GLI3: variants seen among roughly 807,000 people sequenced by gnomAD.
GLI3 encodes transcription activator GLI3.
A neutral mutation model predicts 100.8 loss-of-function variants in GLI3; 20 were observed. The observed-to-expected ratio is 0.20, with a 90% CI of 0.14 to 0.29. The LOEUF is 0.29. Among genes scored for constraint, GLI3 ranks in the 10% least tolerant of loss-of-function variants. The probability of loss-of-function intolerance (pLI) is 1.00; values close to 1 mark genes in which losing one functional copy is unlikely to be tolerated. For synonymous variants in GLI3, 938 were observed against 860.5 expected (o/e 1.09, Z -1.58); for missense variants, 2,040 against 2,128.5 (o/e 0.96, Z 0.82).
At chr7:42,034,119 A>G in intron 7 of GLI3, among the ~76,000 whole-genome samples, 1 of 152,244 alleles carries the variant, frequency 6.6e-6, no homozygotes, top group East Asian at 1.9e-4. Flanking sequence ...CAGGTATGTT[A>G]GATGTGGTTA....
chr7:42,003,341 A>T (rs568096559), intron 10 of GLI3, among the ~76,000 whole-genome samples: 1 of 152,330 alleles, frequency 6.6e-6, no homozygotes, highest in South Asian at 2.1e-4. Flanking sequence ...AACTCAGCCC[A>T]AGAAAATGAT....
rs758458885 is a variant in GLI3 at position 41,966,587 on chromosome 7, C to A, written c.2486G>T (p.Gly829Val). The change falls in exon 15 of 15, where the codon GGC becomes GTC. Residue 829 changes from glycine (G) to valine (V), a missense_variant. Gly to Val is a moderately radical substitution (Grantham distance 109). Around this residue, in one of 5 missense-constraint regions of GLI3, gnomAD observed 327 missense variants for 338.7 expected, o/e 0.97. Transcript: ENST00000395925. This position sits in a 1 kb window ranked among gnomAD's most constrained non-coding sequence, Gnocchi z 5.8. ...SLGGPMTLLPGRSDLSGVDVT... is the reference protein window; with the variant it reads ...SLGGPMTLLPVRSDLSGVDVT... ...GTCCACCCCAGAGAGGTCGCTTCTG[C>A]CCGGGAGAAGCGTCATGGGCCCACC... is the stretch of plus-strand genomic sequence containing the variant. 90 of 1,613,966 alleles carry A rather than the reference C, an allele frequency of 5.6e-5. No individual in the cohort carries two copies. Among genetic ancestry groups the A allele is most frequent in the Non-Finnish European group, 6.5e-5 (77 of 1,180,006 alleles).
At chr7:42,119,314 A>G (rs1189383914) in intron 3 of GLI3, among the ~76,000 whole-genome samples, 1 of 152,190 alleles carries the variant, frequency 6.6e-6, no homozygotes, top group Non-Finnish European at 1.5e-5. Context: ...CACGTGGGGA[A>G]TCTCAGAGTT....
chr7:42,071,323 C>T (rs7807699), intron 4 of GLI3, among the ~76,000 whole-genome samples: 15,686 of 152,024 alleles, frequency 0.1, 1,826 homozygotes, highest in African/African-American at 0.29. Flanking sequence ...TGGTAAAGCA[C>T]AAACACTGGG....
At chr7:42,138,203 C>T (rs1786476271) in intron 3 of GLI3, among the ~76,000 whole-genome samples, 1 of 152,162 alleles carries the variant, frequency 6.6e-6, no homozygotes, top group Non-Finnish European at 1.5e-5. Flanking sequence ...GCATCATGTA[C>T]TTAATGGAGT....
chr7:41,991,757 T>C (rs531849424), intron 10 of GLI3, among the ~76,000 whole-genome samples: 1 of 152,062 alleles, frequency 6.6e-6, no homozygotes, highest in East Asian at 1.9e-4. Context: ...ATAAACAGGG[T>C]AACTGAGCTG....
chr7:41,978,781 G>A, intron 10 of GLI3, 33 bp from the exon 11 acceptor site: 1 of 1,600,378 alleles, frequency 6.2e-7, no homozygotes, highest in Non-Finnish European at 8.6e-7. Context: ...GAAATCAAAT[G>A]GAAACGTATT....
At chr7:42,246,148 T>C (rs750144078) in intron 1 of GLI3, among the ~76,000 whole-genome samples, 5 of 152,232 alleles carry the variant, frequency 3.3e-5, no homozygotes, top group Admixed American at 6.5e-5. Context: ...TTCCACCTCA[T>C]GTGGTTCTGC....
intron 2 of GLI3, among the ~76,000 whole-genome samples, chr7:42,194,401 A>G (rs1336725950): frequency 6.6e-6 from 1 of 152,196 alleles, no homozygotes; most frequent in Non-Finnish European, 1.5e-5. Flanking sequence ...TGCTTTCGGC[A>G]TTGTTGTCCC....
At chr7:42,025,483 A>G in intron 8 of GLI3, 106 bp from the exon 9 acceptor site, 1 of 791,588 alleles carries the variant, frequency 1.3e-6, no homozygotes, top group East Asian at 2.5e-5. Context: ...TTATTTGGCT[A>G]TAAAGCAATG....
At chr7:42,148,076 A>G in intron 3 of GLI3, 150 bp downstream of exon 3, 1 of 773,902 alleles carries the variant, frequency 1.3e-6, no homozygotes, top group Non-Finnish European at 2.0e-6. Flanking sequence ...GTAAGAAGGA[A>G]AGTGGAAAGA....
At chr7:42,062,891 A>G (rs1274193582) in intron 4 of GLI3, among the ~76,000 whole-genome samples, 1 of 152,180 alleles carries the variant, frequency 6.6e-6, no homozygotes, top group African/African-American at 2.4e-5. Context: ...CTCAATTTAC[A>G]CTGCAATATT....
Position 41,996,283 on chromosome 7 carries a change from C to T in GLI3, c.1498-17535G>A, listed in dbSNP as rs1429668474. Among the ~76,000 whole-genome samples, 5 of 151,144 alleles carry T rather than the reference C, an allele frequency of 3.3e-5. No homozygotes were observed. In the East Asian group the frequency reaches 9.7e-4, roughly 29 times the overall value. On this transcript the variant is annotated intron_variant, in intron 10 of 14. Transcript: ENST00000395925. ...TACCATTAAAAATTATTTGTTGGAA[C>T]AATTATTTTTTTTTTCCTCGAGTCC... is the stretch of plus-strand genomic sequence containing the variant.
intron 6 of GLI3, 133 bp downstream of exon 6, chr7:42,045,251 A>T: frequency 2.2e-6 from 2 of 889,348 alleles, no homozygotes; most frequent in Non-Finnish European, 3.8e-6. Flanking sequence ...CCAGAGCACC[A>T]GATAGTGGTG....
intron 2 of GLI3, among the ~76,000 whole-genome samples, chr7:42,219,671 G>A (rs995399942): frequency 1.3e-5 from 2 of 152,122 alleles, no homozygotes; most frequent in African/African-American, 4.8e-5. Context: ...TGGTTTGGCT[G>A]GGAAGCTCAC....
intron 2 of GLI3, 125 bp downstream of exon 2, chr7:42,223,005 A>G (rs1178043702): frequency 1.3e-5 from 12 of 950,102 alleles, no homozygotes; most frequent in Admixed American, 5.5e-5. Flanking sequence ...CCCCTGCTCC[A>G]TTTGCTTTCT....
chr7:42,154,222 T>C (rs1457138381), intron 2 of GLI3, among the ~76,000 whole-genome samples: 1 of 151,652 alleles, frequency 6.6e-6, no homozygotes, highest in Non-Finnish European at 1.5e-5. Flanking sequence ...AAATGACAAA[T>C]CTATGGGGAG....
At position 41,972,401 on chromosome 7, in the gene GLI3, C is replaced by T. The variant is rs1339003460; in HGVS notation, c.2039G>A (p.Ser680Asn). 1.2e-6 allele frequency: 2 copies of T among 1,613,902 alleles called. No individual in the cohort carries two copies. The highest frequency in any genetic ancestry group is 1.3e-5 in the African/African-American group (1 of 74,880). ...QGALGEQQDL[S>N]NTTSKREECL... ...TTCTTCCCGCTTTGAGGTAGTGTTG[C>T]TGAGGTCCTGCTGCTCACCAAGGGC... The change falls in exon 13 of 15, where the codon AGC becomes AAC. Residue 680 changes from serine to asparagine, a missense_variant. Physicochemically the swap from Ser to Asn is conservative, Grantham distance 46. This residue lies in a region of GLI3 where 327 missense variants were observed against 338.7 expected (regional missense o/e 0.97). Coordinates refer to ENST00000395925, the MANE Select transcript of GLI3 (RefSeq NM_000168.6). This position sits in a 1 kb window ranked among gnomAD's most constrained non-coding sequence, Gnocchi z 4.4.
intron 1 of GLI3, among the ~76,000 whole-genome samples, chr7:42,229,283 T>G (rs62443825): frequency 6.6e-6 from 1 of 152,166 alleles, no homozygotes; most frequent in African/African-American, 2.4e-5. Flanking sequence ...TTAAAACAAC[T>G]AAGTTAAAAG....
Sources: allele counts gnomAD v4.1 joint callset (sites outside exome capture counted in the v4.1 genomes callset), GRCh38; gene constraint gnomAD v4.1.1; regional missense constraint gnomAD v4.1.1; non-coding constraint Gnocchi (gnomAD v3.1); transcripts MANE v1.5; gene names NCBI Gene and HGNC (gene_info 2026-07-23, HGNC 2026-07-21).